The following ZNF618 variants were observed in gnomAD, a reference collection of about 807,000 sequenced individuals.
The protein encoded by ZNF618 is zinc finger protein 618, also known as neural precursor cell expressed, developmentally down-regulated 10.
Under a neutral mutation model 103.0 loss-of-function variants are expected in ZNF618, and 34 were observed. The ratio of observed to expected loss-of-function variants is 0.33; its 90% confidence interval spans 0.25 to 0.44. ZNF618 has a LOEUF of 0.44. Among genes scored for constraint, ZNF618 ranks in the 20% least tolerant of loss-of-function variants. ZNF618 has a pLI of 1.00. For missense variants in ZNF618, 1,059 were observed against 1,295.4 expected, an observed-to-expected ratio of 0.82 and a Z score of 2.80; for synonymous variants, 551 against 542.2, an observed-to-expected ratio of 1.02 and a Z score of -0.23.
intron 1 of ZNF618, among the ~76,000 whole-genome samples, chr9:113,922,944 CT>C (rs1832778884): frequency 6.6e-6 from 1 of 152,136 alleles, no homozygotes; most frequent in African/African-American, 2.4e-5. Context: ...CATGGAATAT[CT>C]CTTTATTTAT....
intron 1 of ZNF618, among the ~76,000 whole-genome samples, chr9:113,915,695 A>G (rs897517837): frequency 1.3e-4 from 20 of 152,060 alleles, no homozygotes; most frequent in African/African-American, 4.8e-4. Flanking sequence ...GGGACATAAA[A>G]GGTGTGTGTG....
chr9:114,005,772 T>C (rs918947224), intron 6 of ZNF618, among the ~76,000 whole-genome samples: 24 of 152,198 alleles, frequency 1.6e-4, no homozygotes, highest in African/African-American at 5.8e-4. Flanking sequence ...GATTGCTGGC[T>C]ACATGAAAGG....
chr9:113,984,178 G>A (rs1388279337), intron 2 of ZNF618, among the ~76,000 whole-genome samples: 1 of 152,166 alleles, frequency 6.6e-6, no homozygotes, highest in Non-Finnish European at 1.5e-5. Context: ...CTGGAATTTC[G>A]GGAAGGGGAC....
At chr9:114,007,986 C>T (rs866042836) in intron 7 of ZNF618, among the ~76,000 whole-genome samples, 1 of 152,298 alleles carries the variant, frequency 6.6e-6, no homozygotes, top group Middle Eastern at 3.4e-3. Flanking sequence ...TCTCTTTTCT[C>T]ACCTCGTCTT....
rs71367741 is a variant in ZNF618, at chr9:113,938,572, C to CT, written c.34-30531dup. On this transcript the variant is annotated intron_variant, in intron 1 of 14. Transcript: ENST00000374126. ...TCCTCCCATTATATTTTCTTTTTTT[C>CT]TTTTTTTTTTTTTTGAGATGGAGTC... Among the ~76,000 whole-genome samples the CT allele has an allele frequency of 5.7e-3, 779 of 136,712 alleles. 7 individuals carry two copies. Among genetic ancestry groups the CT allele is most frequent in the African/African-American group, 0.015 (572 of 37,856 alleles). The allele number at this position is 136,712 out of a possible 152,430, so 89.7% of individuals were successfully genotyped here. A position where few individuals can be genotyped will look rare whatever the true frequency, so the allele number is the denominator to read the frequency against.
intron 1 of ZNF618, among the ~76,000 whole-genome samples, chr9:113,964,750 C>CTTT (rs765191153): frequency 2.0e-3 from 197 of 98,362 alleles, no homozygotes; most frequent in Middle Eastern, 6.3e-3. Flanking sequence ...CTCCTTTCTG[C>CTTT]TTTTTTTTTT....
intron 1 of ZNF618, among the ~76,000 whole-genome samples, chr9:113,912,007 G>C (rs992457605): frequency 6.6e-6 from 1 of 152,130 alleles, no homozygotes; most frequent in Non-Finnish European, 1.5e-5. Context: ...AGATTGCTGG[G>C]CCCCACCCCC....
intron 9 of ZNF618, among the ~76,000 whole-genome samples, chr9:114,013,146 A>G (rs960856639): frequency 6.6e-6 from 1 of 152,240 alleles, no homozygotes; most frequent in Non-Finnish European, 1.5e-5. Context: ...TAAGAATTTT[A>G]TATCTAGACA....
intron 2 of ZNF618, among the ~76,000 whole-genome samples, chr9:113,976,077 G>C (rs1271152228): frequency 6.6e-6 from 1 of 152,180 alleles, no homozygotes; most frequent in Non-Finnish European, 1.5e-5. Flanking sequence ...GTAAATAAGA[G>C]AGATTCTTGA....
intron 1 of ZNF618, among the ~76,000 whole-genome samples, chr9:113,892,278 C>T (rs1403581663): frequency 6.6e-6 from 1 of 152,118 alleles, no homozygotes; most frequent in South Asian, 2.1e-4. Flanking sequence ...CGAACATCCT[C>T]CTCTATATTT....
chr9:113,940,943 T>G (rs568532526), intron 1 of ZNF618, among the ~76,000 whole-genome samples: 1 of 152,220 alleles, frequency 6.6e-6, no homozygotes, highest in Admixed American at 6.5e-5. Flanking sequence ...TCAGTTTCTT[T>G]CTGCCACGTA....
chr9:113,882,299 C>A (rs186398692), intron 1 of ZNF618, among the ~76,000 whole-genome samples: 170 of 152,238 alleles, frequency 1.1e-3, no homozygotes, highest in Middle Eastern at 3.4e-3. Flanking sequence ...TGTGTGACTT[C>A]GGGAAAGTCA....
intron 2 of ZNF618, among the ~76,000 whole-genome samples, chr9:113,972,627 A>G (rs1439320044): frequency 1.3e-5 from 2 of 152,192 alleles, no homozygotes; most frequent in African/African-American, 2.4e-5. Context: ...CTGGAGGCCT[A>G]TCAAGAAGGT....
At chr9:113,926,671 T>C (rs1253254516) in intron 1 of ZNF618, among the ~76,000 whole-genome samples, 4 of 152,226 alleles carry the variant, frequency 2.6e-5, no homozygotes, top group Non-Finnish European at 4.4e-5. Context: ...AGTTCTTGCA[T>C]GTTGTCCACC....
At chr9:113,890,198 T>TA (rs1297224650) in intron 1 of ZNF618, among the ~76,000 whole-genome samples, 3 of 152,160 alleles carry the variant, frequency 2.0e-5, no homozygotes, top group African/African-American at 7.2e-5. Flanking sequence ...TCCCTGACTA[T>TA]AAAAATAACA....
At chr9:114,036,166 A>G in intron 12 of ZNF618, 134 bp from the exon 13 acceptor site, 1 of 724,270 alleles carries the variant, frequency 1.4e-6, no homozygotes, top group Non-Finnish European at 2.3e-6. Flanking sequence ...GGAGGCAGGC[A>G]GGCTGGGCCC....
rs762676412 is a variant in ZNF618, at chr9:114,050,038, G to A, written c.2736G>A (p.Ala912=). 1.2e-5 allele frequency: 20 copies of A among 1,613,722 alleles called. No homozygotes were observed. The highest frequency in any genetic ancestry group is 2.7e-5 in the African/African-American group (2 of 74,928). Residue 912 remains alanine (A), a synonymous_variant, in exon 15 of 15, where the codon GCG becomes GCA. Coordinates refer to ENST00000374126, the MANE Select transcript of ZNF618 (RefSeq NM_001318042.2). The stretch of plus-strand genomic sequence containing the variant: ...CCAAGCTCGCCTTCTGGCTCCTGGC[G>A]GTTCCGGCCGTGGGCGCCAGAAGCG... ...KLAKLAFWLL[A]VPAVGARSGC...
rs151028869 is a variant in ZNF618 at position 113,946,028 on chromosome 9, C to T, written c.34-23089C>T. 1.6e-4 allele frequency among the ~76,000 whole-genome samples: 25 copies of T among 152,284 alleles called. 1 individual carries two copies. The highest frequency in any genetic ancestry group is 4.8e-4 in the African/African-American group (20 of 41,556). On this transcript the variant is annotated intron_variant, in intron 1 of 14. Coordinates refer to ENST00000374126, the MANE Select transcript of ZNF618 (RefSeq NM_001318042.2). ...GCAAATTTGAGCTTTGAGGCTCCAT[C>T]GGGGACAAAGAGGACCTCGCCAAGT...
At chr9:114,017,933 T>C (rs1395403034) in intron 10 of ZNF618, among the ~76,000 whole-genome samples, 2 of 152,118 alleles carry the variant, frequency 1.3e-5, no homozygotes, top group Non-Finnish European at 2.9e-5. Flanking sequence ...GGTCTTCCCG[T>C]GGGTGAGAAC....
Sources: gnomAD v4.1 joint callset for allele counts (sites outside exome capture counted in the v4.1 genomes callset) on GRCh38, gnomAD v4.1.1 for gene constraint, MANE v1.5 for transcripts, NCBI Gene and HGNC (gene_info 2026-07-23, HGNC 2026-07-21) for gene names.